The following XKR9 variants were observed in gnomAD, a reference collection of about 807,000 sequenced individuals.
The protein encoded by XKR9 is XK-related protein 9.
XKR9 carries 32 observed loss-of-function variants against 32.0 expected under a neutral mutation model. That is an observed-to-expected ratio of 1.00 (90% CI 0.76 to 1.34). The LOEUF is 1.34. Among genes scored for constraint, XKR9 ranks in the 40% most tolerant of loss-of-function variants. The pLI, the probability that XKR9 is intolerant of heterozygous loss-of-function variation, is 0.00. For synonymous variants in XKR9, 168 were observed against 143.4 expected (o/e 1.17, Z -1.22); for missense variants, 546 against 429.7 (o/e 1.27, Z -2.39).
chr8:70,914,637 A>G, the XKR9 span, among the ~76,000 whole-genome samples: 1 of 152,154 alleles, frequency 6.6e-6, no homozygotes, highest in Admixed American at 6.5e-5. Context: ...TGTTGGATAT[A>G]TGTATGACAG....
chr8:70,682,445 G>T (rs941855072), intron 3 of XKR9, among the ~76,000 whole-genome samples: 2 of 152,130 alleles, frequency 1.3e-5, no homozygotes, highest in African/African-American at 4.8e-5. Context: ...GCATTGAAAT[G>T]AGGACCTTAA....
At chr8:70,754,537 A>G (rs1326925571) in intron 2 of XKR9, among the ~76,000 whole-genome samples, 1 of 124,604 alleles carries the variant, frequency 8.0e-6, no homozygotes, top group Non-Finnish European at 1.9e-5. Flanking sequence ...ACAGTAACCA[A>G]AACAGCATGG....
the XKR9 span, among the ~76,000 whole-genome samples, chr8:70,895,531 A>T: frequency 6.6e-6 from 1 of 152,194 alleles, no homozygotes; most frequent in Non-Finnish European, 1.5e-5. Context: ...TTTGATTCAG[A>T]TTACTTTGAA....
the XKR9 span, among the ~76,000 whole-genome samples, chr8:71,022,754 G>A: frequency 2.0e-5 from 3 of 152,082 alleles, no homozygotes; most frequent in Non-Finnish European, 1.5e-5. Context: ...TAGAATGCTT[G>A]GATGCTTTAT....
At chr8:70,848,296 G>A in the XKR9 span, among the ~76,000 whole-genome samples, 1 of 152,072 alleles carries the variant, frequency 6.6e-6, no homozygotes, top group East Asian at 1.9e-4. Context: ...GTCAAAATGG[G>A]TATAGAAGGA....
At chr8:70,759,198 A>G (rs1213669122) in intron 2 of XKR9, among the ~76,000 whole-genome samples, 1 of 152,142 alleles carries the variant, frequency 6.6e-6, no homozygotes, top group Non-Finnish European at 1.5e-5. Context: ...AATGTTTTCT[A>G]TTTGGTAGAA....
the XKR9 span, among the ~76,000 whole-genome samples, chr8:71,045,624 C>G: frequency 6.6e-6 from 1 of 152,280 alleles, no homozygotes; most frequent in Admixed American, 6.5e-5. Flanking sequence ...CACAACTTAG[C>G]AGCAGGTGGT....
the XKR9 span, among the ~76,000 whole-genome samples, chr8:70,850,165 A>G: frequency 1.3e-5 from 2 of 152,100 alleles, no homozygotes; most frequent in East Asian, 3.9e-4. Flanking sequence ...ACACAACAAA[A>G]AAAGAAAATT....
At chr8:70,745,353 G>A (rs940332149) in intron 2 of XKR9, among the ~76,000 whole-genome samples, 1 of 151,980 alleles carries the variant, frequency 6.6e-6, no homozygotes, top group Non-Finnish European at 1.5e-5. Flanking sequence ...TATATAAAAG[G>A]CCTTTTGAAA....
the XKR9 span, among the ~76,000 whole-genome samples, chr8:70,856,947 C>A: frequency 6.6e-6 from 1 of 152,008 alleles, no homozygotes; most frequent in Non-Finnish European, 1.5e-5. Flanking sequence ...CACAACATAC[C>A]AGAATATGTG....
At chr8:70,987,215 C>G in the XKR9 span, among the ~76,000 whole-genome samples, 2 of 152,278 alleles carry the variant, frequency 1.3e-5, no homozygotes, top group Admixed American at 1.3e-4. Context: ...ATTTCAAAAC[C>G]AATCATGCCT....
chr8:70,832,073 A>G, the XKR9 span, among the ~76,000 whole-genome samples: 1 of 152,182 alleles, frequency 6.6e-6, no homozygotes, highest in South Asian at 2.1e-4. Flanking sequence ...TAAGAGGTTT[A>G]CTTTAGCTTG....
chr8:70,843,669 G>C, the XKR9 span, among the ~76,000 whole-genome samples: 1 of 152,116 alleles, frequency 6.6e-6, no homozygotes, highest in Non-Finnish European at 1.5e-5. Context: ...AAGAGTAAGT[G>C]AAAGACCACG....
intron 3 of XKR9, 61 bp from the exon 4 acceptor site, chr8:70,706,872 A>G: frequency 7.4e-7 from 1 of 1,357,294 alleles, no homozygotes; most frequent in Non-Finnish European, 1.0e-6. Flanking sequence ...TATTATGTGT[A>G]TTAACAGACA....
At chr8:70,801,918 T>G in the XKR9 span, among the ~76,000 whole-genome samples, 2 of 151,862 alleles carry the variant, frequency 1.3e-5, no homozygotes, top group African/African-American at 4.8e-5. Context: ...TGTGTAATGC[T>G]CTTCTTTTTC....
chr8:70,797,210 C>G, the XKR9 span, among the ~76,000 whole-genome samples: 1 of 151,802 alleles, frequency 6.6e-6, no homozygotes, highest in South Asian at 2.1e-4. Context: ...GAGGGGTGTG[C>G]GCACACACAC....
At chr8:70,797,102 G>C in the XKR9 span, among the ~76,000 whole-genome samples, 2 of 152,202 alleles carry the variant, frequency 1.3e-5, no homozygotes, top group East Asian at 3.8e-4. Context: ...AGGTGGGAAA[G>C]TTCACACATG....
chr8:70,702,615 A>T (rs1586833872), intron 3 of XKR9, among the ~76,000 whole-genome samples: 1 of 152,262 alleles, frequency 6.6e-6, no homozygotes, highest in Admixed American at 6.5e-5. Context: ...TTAGGTGCAT[A>T]CAGATTTTAA....
chr8:70,938,777 C>T, the XKR9 span, among the ~76,000 whole-genome samples: 1 of 152,040 alleles, frequency 6.6e-6, no homozygotes, highest in Non-Finnish European at 1.5e-5. Context: ...TGGACATCTT[C>T]TCCCCATTTA....
Sources: gnomAD v4.1 joint callset for allele counts (sites outside exome capture counted in the v4.1 genomes callset) on GRCh38, gnomAD v4.1.1 for gene constraint, MANE v1.5 for transcripts, NCBI Gene and HGNC (gene_info 2026-07-23, HGNC 2026-07-21) for gene names.